GRIN2B: variants seen among roughly 807,000 people sequenced by gnomAD.
GRIN2B encodes the protein glutamate ionotropic receptor NMDA type subunit 2B.
A neutral mutation model predicts 114.5 loss-of-function variants in GRIN2B; 5 were observed. The observed-to-expected ratio is 0.04, with a 90% confidence interval of 0.02 to 0.09. The LOEUF is 0.09. Ranked by LOEUF, GRIN2B falls within the 10% of genes least tolerant of loss-of-function variation. GRIN2B has a pLI of 1.00. For missense variants in GRIN2B, 1,108 were observed against 1,943.5 expected (o/e 0.57, Z 8.08); for synonymous variants, 787 against 745.1 (o/e 1.06, Z -0.92).
intron 5 of GRIN2B, among the ~76,000 whole-genome samples, chr12:13,618,438 T>C (rs1220672108): frequency 1.3e-5 from 2 of 152,228 alleles, no homozygotes; most frequent in Non-Finnish European, 2.9e-5. Flanking sequence ...TGATTTTTTT[T>C]CTCTTAAATC....
At chr12:13,689,316 G>A (rs890104377) in intron 4 of GRIN2B, among the ~76,000 whole-genome samples, 1 of 152,056 alleles carries the variant, frequency 6.6e-6, no homozygotes, top group Non-Finnish European at 1.5e-5. Flanking sequence ...CTCTCAATGA[G>A]TTAAAACTTA....
intron 4 of GRIN2B, among the ~76,000 whole-genome samples, chr12:13,724,146 T>C (rs1350272008): frequency 6.6e-6 from 1 of 152,148 alleles, no homozygotes; most frequent in African/African-American, 2.4e-5. Flanking sequence ...AGCAGGTGCC[T>C]CTCATTCTGA....
chr12:13,690,477 A>G lies in GRIN2B; in HGVS notation c.1011-14618T>C, dbSNP rs1384107803. 2.0e-5 allele frequency among the ~76,000 whole-genome samples: 3 copies of G among 152,308 alleles called. No homozygotes were observed. In the East Asian group the frequency reaches 5.8e-4, roughly 29 times the overall value. On this transcript the variant is annotated intron_variant, in intron 4 of 13. Transcript: ENST00000609686. ...AATTTAAAAAAAGAATAAATTCTAAAGAATATATTATCTATAATCTTTCTT... is the reference window on the plus strand; with the variant it reads ...AATTTAAAAAAAGAATAAATTCTAAGGAATATATTATCTATAATCTTTCTT...
chr12:13,647,220 T>C (rs1332361294), intron 5 of GRIN2B, among the ~76,000 whole-genome samples: 1 of 152,106 alleles, frequency 6.6e-6, no homozygotes, highest in Non-Finnish European at 1.5e-5. Flanking sequence ...ACTGGGTTGA[T>C]GGAAATTTAT....
In GRIN2B at chr12:13,551,320, A is replaced by G. The variant is rs960414445; in HGVS notation, c.*11463T>C. The G allele has an allele frequency of 2.6e-5, 4 of 152,244 alleles. No individual in the cohort carries two copies. Among genetic ancestry groups the G allele is most frequent in the Middle Eastern group, 6.8e-3 (2 of 294 alleles). 9.4% of individuals were successfully genotyped at this position (152,244 alleles called of 1,614,324 possible). A position where few individuals can be genotyped will look rare whatever the true frequency, so the allele number is the denominator to read the frequency against. ...AATATGTATGTATCTAAGCAACAGG[A>G]CTGTCTGTTCTCAGGGGGACTGGCT... On this transcript the variant is annotated 3_prime_UTR_variant, in exon 14 of 14. Coordinates refer to ENST00000609686, the MANE Select transcript of GRIN2B (RefSeq NM_000834.5).
In GRIN2B at chr12:13,539,090, G is replaced by A. The variant is rs1948246147; in HGVS notation, c.*23693C>T. ...GCTTGCTACTTTCTGGAATGTTCAGGGAGAAACAAGAATTTTTGTTCAGTA... is the reference window on the plus strand; with the variant it reads ...GCTTGCTACTTTCTGGAATGTTCAGAGAGAAACAAGAATTTTTGTTCAGTA... On this transcript the variant is annotated 3_prime_UTR_variant, in exon 14 of 14. Coordinates refer to ENST00000609686, the MANE Select transcript of GRIN2B (RefSeq NM_000834.5). 6.6e-6 allele frequency: 1 copy of A among 152,122 alleles called. No homozygotes were observed. The highest frequency in any genetic ancestry group is 1.5e-5 in the Non-Finnish European group (1 of 68,014). The allele number at this position is 152,122 out of a possible 1,614,324, so 9.4% of individuals were successfully genotyped here. A position where few individuals can be genotyped will look rare whatever the true frequency, so the allele number is the denominator to read the frequency against.
At chr12:13,937,841 T>A (rs1277915386) in intron 2 of GRIN2B, among the ~76,000 whole-genome samples, 2 of 152,114 alleles carry the variant, frequency 1.3e-5, no homozygotes, top group African/African-American at 2.4e-5. Context: ...TGGACAGTCA[T>A]ATGAAATTAT....
intron 4 of GRIN2B, among the ~76,000 whole-genome samples, chr12:13,699,554 C>T (rs758049945): frequency 6.6e-6 from 1 of 151,814 alleles, no homozygotes; most frequent in Admixed American, 6.6e-5. Context: ...TTTTCTAGCA[C>T]CTTGGAGAGG....
chr12:13,973,648 T>TCTTA (rs1862969492), intron 2 of GRIN2B, among the ~76,000 whole-genome samples: 1 of 152,270 alleles, frequency 6.6e-6, no homozygotes, highest in South Asian at 2.1e-4. Flanking sequence ...AATGCCTGAC[T>TCTTA]CTTAGGTCAG....
chr12:13,831,160 A>G (rs1363723575), intron 3 of GRIN2B, among the ~76,000 whole-genome samples: 1 of 152,208 alleles, frequency 6.6e-6, no homozygotes, highest in Non-Finnish European at 1.5e-5. Context: ...TTCCACCTTC[A>G]GAGGAAGCAG....
At chr12:13,930,031 A>AAAATTAG (rs889400239) in intron 2 of GRIN2B, among the ~76,000 whole-genome samples, 2 of 152,038 alleles carry the variant, frequency 1.3e-5, no homozygotes, top group Non-Finnish European at 2.9e-5. Context: ...TAACAACACA[A>AAAATTAG]AAATTAGCTG....
intron 4 of GRIN2B, among the ~76,000 whole-genome samples, chr12:13,727,920 C>T (rs1395244918): frequency 6.6e-6 from 1 of 152,196 alleles, no homozygotes; most frequent in African/African-American, 2.4e-5. Flanking sequence ...TCTGCATGCA[C>T]CCCTTCTCCT....
At chr12:13,663,471 T>C (rs1591664741) in intron 5 of GRIN2B, among the ~76,000 whole-genome samples, 2 of 152,178 alleles carry the variant, frequency 1.3e-5, no homozygotes, top group East Asian at 3.9e-4. Context: ...TAATGTGTTT[T>C]GGTTGTAATT....
At chr12:13,657,352 C>T (rs1018602107) in intron 5 of GRIN2B, among the ~76,000 whole-genome samples, 3 of 152,060 alleles carry the variant, frequency 2.0e-5, no homozygotes, top group African/African-American at 7.2e-5. Context: ...GAAGAAGGGC[C>T]CAGGTGCTCA....
At chr12:13,776,999 G>A (rs1294396000) in intron 3 of GRIN2B, among the ~76,000 whole-genome samples, 4 of 152,118 alleles carry the variant, frequency 2.6e-5, no homozygotes, top group Non-Finnish European at 5.9e-5. Flanking sequence ...GGCAGAGCAA[G>A]GGGACACTAA....
chr12:13,775,542 C>T (rs1229415343), intron 3 of GRIN2B, among the ~76,000 whole-genome samples: 1 of 152,146 alleles, frequency 6.6e-6, no homozygotes, highest in Non-Finnish European at 1.5e-5. Flanking sequence ...CTCTGTCTGC[C>T]TATCTGATGT....
At chr12:13,919,669 T>C (rs114551906) in intron 2 of GRIN2B, among the ~76,000 whole-genome samples, 334 of 152,216 alleles carry the variant, frequency 2.2e-3, no homozygotes, top group African/African-American at 7.9e-3. Flanking sequence ...ACAGTATCCA[T>C]TTATAAGAAG....
At chr12:13,783,267 A>AC (rs1864153778) in intron 3 of GRIN2B, among the ~76,000 whole-genome samples, 1 of 152,118 alleles carries the variant, frequency 6.6e-6, no homozygotes, top group African/African-American at 2.4e-5. Context: ...ACACACACAC[A>AC]AAAATAAAAC....
At chr12:13,884,855 ATTTC>A (rs1484315445) in intron 2 of GRIN2B, among the ~76,000 whole-genome samples, 1 of 152,146 alleles carries the variant, frequency 6.6e-6, no homozygotes, top group Non-Finnish European at 1.5e-5. Flanking sequence ...TACAAGAAAT[ATTTC>A]TTTCCACTCT....
Sources: allele counts gnomAD v4.1 joint callset (sites outside exome capture counted in the v4.1 genomes callset), GRCh38; gene constraint gnomAD v4.1.1; transcripts MANE v1.5; gene names NCBI Gene and HGNC (gene_info 2026-07-23, HGNC 2026-07-21).